Variants in CSMD1 observed in about 807,000 individuals in gnomAD.
CSMD1 encodes the protein CUB and sushi domain-containing protein 1.
Under a neutral mutation model 417.5 loss-of-function variants are expected in CSMD1, and 213 were observed. The ratio of observed to expected loss-of-function variants is 0.51; its 90% CI spans 0.46 to 0.57. The LOEUF is 0.57. Ranked by LOEUF, CSMD1 falls within the 20% of genes least tolerant of loss-of-function variation. CSMD1 has a pLI of 0.00. For synonymous variants in CSMD1, 2,862 were observed against 1,736.8 expected (o/e 1.65, Z -16.11); for missense variants, 6,923 against 4,529.7 (o/e 1.53, Z -15.17).
chr8:3,957,145 C>A (rs1206243226), intron 5 of CSMD1, among the ~76,000 whole-genome samples: 1 of 46,724 alleles, frequency 2.1e-5, no homozygotes, highest in Non-Finnish European at 5.4e-5. Flanking sequence ...TCTTTCTCCC[C>A]CTACTTCACA....
At chr8:4,089,145 T>C (rs1001747893) in intron 3 of CSMD1, among the ~76,000 whole-genome samples, 11 of 152,198 alleles carry the variant, frequency 7.2e-5, no homozygotes, top group Non-Finnish European at 1.3e-4. Context: ...TAACAAAACA[T>C]TGCTTGGCAA....
Position 3,616,698 on chromosome 8 carries a change from T to C in CSMD1, c.1097+12A>G. Reference sequence around the variant, plus strand: ...ATAACATGCTTTTTTCCACCACTATTGTATCTCTTACCTGAAGTCGGAACC... The same window carrying C: ...ATAACATGCTTTTTTCCACCACTATCGTATCTCTTACCTGAAGTCGGAACC... On this transcript the variant is annotated intron_variant, in intron 8 of 69. Coordinates refer to ENST00000635120, the MANE Select transcript of CSMD1 (RefSeq NM_033225.6). 3 of 1,545,684 alleles carry C rather than the reference T, an allele frequency of 1.9e-6. No homozygotes were observed. Among genetic ancestry groups the C allele is most frequent in the Non-Finnish European group, 2.7e-6 (3 of 1,118,910 alleles).
chr8:4,576,492 G>T (rs748655654), intron 2 of CSMD1, among the ~76,000 whole-genome samples: 2 of 152,142 alleles, frequency 1.3e-5, no homozygotes, highest in Non-Finnish European at 2.9e-5. Context: ...TTCACATACA[G>T]TTTCTAATAA....
chr8:3,407,296 A>G (rs1432047870), intron 14 of CSMD1, among the ~76,000 whole-genome samples: 1 of 151,938 alleles, frequency 6.6e-6, no homozygotes, highest in Non-Finnish European at 1.5e-5. Context: ...GATAAAAGGA[A>G]TGATAGACGG....
At chr8:3,775,808 C>T (rs529724650) in intron 5 of CSMD1, among the ~76,000 whole-genome samples, 4 of 152,342 alleles carry the variant, frequency 2.6e-5, no homozygotes, top group East Asian at 1.9e-4. Flanking sequence ...CTGATGTCAT[C>T]ATGGGGTCCA....
rs532900136 is a variant in CSMD1, at chr8:4,246,541, G to A, written c.415+173412C>T. ...TGTGAAAATTACTTTTTTTACTTAA[G>A]ATGTTTCATGAGGGTTTTCTTTAAA... On this transcript the variant is annotated intron_variant, in intron 3 of 69. Transcript: ENST00000635120. 7.2e-5 allele frequency among the ~76,000 whole-genome samples: 11 copies of A among 152,212 alleles called. No homozygotes were observed. The East Asian group carries it at 1.9e-3, about 27-fold the overall frequency.
At chr8:3,809,917 T>A (rs536500070) in intron 5 of CSMD1, among the ~76,000 whole-genome samples, 2 of 152,270 alleles carry the variant, frequency 1.3e-5, no homozygotes, top group South Asian at 2.1e-4. Context: ...AATCTAATCC[T>A]CATTTACTTC....
At chr8:4,648,443 G>T (rs1367885268) in intron 1 of CSMD1, among the ~76,000 whole-genome samples, 1 of 151,992 alleles carries the variant, frequency 6.6e-6, no homozygotes, top group East Asian at 1.9e-4. Context: ...ACACCACAAG[G>T]GCATGAAATA....
chr8:3,967,674 C>G (rs945708962), intron 5 of CSMD1, among the ~76,000 whole-genome samples: 2 of 152,010 alleles, frequency 1.3e-5, no homozygotes, highest in African/African-American at 4.8e-5. Context: ...CTTGTCAATA[C>G]GTGCTGGGGT....
rs560206671 is a variant in CSMD1, at chr8:3,932,721, T to C, written c.818+65182A>G. 1.2e-4 allele frequency among the ~76,000 whole-genome samples: 18 copies of C among 150,674 alleles called. 1 individual carries two copies. In the East Asian group the frequency reaches 1.8e-3, roughly 15 times the overall value. ...TCATTGTGGTGGACTCTAATGTTAA[T>C]TGATTAGAAAAAATAGTGTAATGGG... On this transcript the variant is annotated intron_variant, in intron 5 of 69. Transcript: ENST00000635120.
intron 7 of CSMD1, among the ~76,000 whole-genome samples, chr8:3,705,048 G>C (rs1049795337): frequency 1.3e-5 from 2 of 152,156 alleles, no homozygotes; most frequent in African/African-American, 4.8e-5. Context: ...CCATGACAGG[G>C]TCCCACCAGG....
At chr8:3,892,902 G>C (rs188700107) in intron 5 of CSMD1, among the ~76,000 whole-genome samples, 1 of 151,676 alleles carries the variant, frequency 6.6e-6, no homozygotes, top group Admixed American at 6.6e-5. Context: ...CGTTGATGTG[G>C]ACAGAGCAAG....
intron 41 of CSMD1, among the ~76,000 whole-genome samples, chr8:3,122,438 T>TA (rs1440558066): frequency 6.6e-6 from 1 of 152,146 alleles, no homozygotes; most frequent in Non-Finnish European, 1.5e-5. Context: ...GTTTGCAAAA[T>TA]AAAAAATATT....
At chr8:3,363,111 T>TG (rs1348278888) in intron 20 of CSMD1, among the ~76,000 whole-genome samples, 14 of 152,272 alleles carry the variant, frequency 9.2e-5, no homozygotes, top group Non-Finnish European at 1.9e-4. Flanking sequence ...CTAAACTTGG[T>TG]GTCTTGGTCC....
intron 3 of CSMD1, among the ~76,000 whole-genome samples, chr8:4,089,122 G>A (rs1474125721): frequency 1.3e-5 from 2 of 152,154 alleles, no homozygotes; most frequent in South Asian, 2.1e-4. Flanking sequence ...ATCCTCTCAG[G>A]GATTCCAGTG....
chr8:3,817,252 CTTTTTTTTTTTTTTTT>C (rs767668610), intron 5 of CSMD1, among the ~76,000 whole-genome samples: 12 of 54,418 alleles, frequency 2.2e-4, no homozygotes, highest in Admixed American at 3.1e-4. Context: ...TCTTCTTCTT[CTTTTTTTTTTTTTTTT>C]TTTTTTTTTT....
At chr8:3,293,035 C>G (rs1437080695) in intron 25 of CSMD1, among the ~76,000 whole-genome samples, 7 of 152,066 alleles carry the variant, frequency 4.6e-5, no homozygotes, top group African/African-American at 1.2e-4. Flanking sequence ...GTGACAAAAT[C>G]TCTCAGCATT....
chr8:3,886,881 G>T (rs951303546), intron 5 of CSMD1, among the ~76,000 whole-genome samples: 1 of 152,156 alleles, frequency 6.6e-6, no homozygotes, highest in African/African-American at 2.4e-5. Flanking sequence ...ACTGGCTCTC[G>T]CATGGTAATG....
chr8:4,254,338 G>C (rs951607207), intron 3 of CSMD1, among the ~76,000 whole-genome samples: 2 of 152,154 alleles, frequency 1.3e-5, no homozygotes, highest in Non-Finnish European at 2.9e-5. Context: ...GTTCTATGGA[G>C]AGTCTGCTTG....
Sources: allele counts gnomAD v4.1 joint callset (sites outside exome capture counted in the v4.1 genomes callset), GRCh38; gene constraint gnomAD v4.1.1; transcripts MANE v1.5; gene names NCBI Gene and HGNC (gene_info 2026-07-23, HGNC 2026-07-21).